MTHFD1L: variants seen among roughly 807,000 people sequenced by gnomAD.
MTHFD1L encodes monofunctional C1-tetrahydrofolate synthase, mitochondrial.
Under a neutral mutation model 119.5 loss-of-function variants are expected in MTHFD1L, and 81 were observed. That is an observed-to-expected ratio of 0.68 (90% CI 0.57 to 0.82). The LOEUF (loss-of-function observed/expected upper bound fraction) is 0.82. Among genes scored for constraint, MTHFD1L ranks in the 40% least tolerant of loss-of-function variants. The pLI is 0.00. For missense variants in MTHFD1L, 1,125 were observed against 1,253.4 expected (o/e 0.90, Z 1.55); for synonymous variants, 430 against 475.2 (o/e 0.90, Z 1.24).
At position 150,926,347 on chromosome 6, in the gene MTHFD1L, C is replaced by G. The variant is rs763862905; in HGVS notation, c.1256+52C>G. ...ATCAAGCAGACATATTTACAAAACT[C>G]TTCCCTATTTATCTCTCTCCTCGTA... is the stretch of plus-strand genomic sequence containing the variant. On this transcript the variant is annotated intron_variant, in intron 11 of 27. Transcript: ENST00000367321. This position sits in a 1 kb window ranked among gnomAD's most constrained non-coding sequence, Gnocchi z 4.3. 3.9e-6 allele frequency: 6 copies of G among 1,519,332 alleles called. No homozygotes were observed. The South Asian group carries it at 7.1e-5, about 18-fold the overall frequency. The allele number at this position is 1,519,332 out of a possible 1,614,324, so 94.1% of individuals were successfully genotyped here. A position where few individuals can be genotyped will look rare whatever the true frequency, so the allele number is the denominator to read the frequency against.
chr6:150,881,545 G>A (rs1781396410), intron 4 of MTHFD1L, among the ~76,000 whole-genome samples: 1 of 152,136 alleles, frequency 6.6e-6, no homozygotes, highest in Non-Finnish European at 1.5e-5. Context: ...GGTACAGGTG[G>A]CAATAGTTTC....
intron 15 of MTHFD1L, 99 bp downstream of exon 15, chr6:150,945,640 T>C: frequency 8.7e-7 from 1 of 1,153,260 alleles, no homozygotes; most frequent in Non-Finnish European, 1.3e-6. Flanking sequence ...TTGATTTTGG[T>C]TTTCAGATAT....
intron 17 of MTHFD1L, chr6:150,959,338 C>G (rs1796100318): frequency 3.1e-6 from 1 of 325,686 alleles, no homozygotes; most frequent in Non-Finnish European, 4.4e-6. Flanking sequence ...TTGTCTGGCT[C>G]ACACTCCCCT....
chr6:150,981,741 A>G (rs1777528398), intron 20 of MTHFD1L, among the ~76,000 whole-genome samples: 1 of 152,108 alleles, frequency 6.6e-6, no homozygotes, highest in Admixed American at 6.5e-5. Context: ...TAACATTTGA[A>G]TTTCATATAA....
At position 150,918,661 on chromosome 6, in the gene MTHFD1L, G is replaced by A. The variant is rs969380460; in HGVS notation, c.977G>A (p.Arg326Gln). The A allele has an allele frequency of 1.2e-6, 2 of 1,613,716 alleles. No individual in the cohort carries two copies. Among genetic ancestry groups the A allele is most frequent in the South Asian group, 1.1e-5 (1 of 91,058 alleles). ...GTGATTCTCCTTGCTGCAGCTCTGC[G>A]AATTCAGGTTTGTTCAACATAGCTG... ...DDVILLAAAL[R>Q]IQNMVSSGRR... Residue 326 changes from arginine (R) to glutamine (Q), a missense_variant, in exon 9 of 28, where the codon CGA becomes CAA. Physicochemically the swap from Arg to Gln is conservative, Grantham distance 43. Coordinates refer to ENST00000367321, the MANE Select transcript of MTHFD1L (RefSeq NM_015440.5).
At chr6:151,093,956 T>A (rs9397033) in intron 27 of MTHFD1L, among the ~76,000 whole-genome samples, 45,343 of 151,936 alleles carry the variant, frequency 0.3, 7,580 homozygotes, top group East Asian at 0.57. Context: ...CTCGGTCTTA[T>A]TCATGTCCAC....
intron 4 of MTHFD1L, 130 bp downstream of exon 4, chr6:150,877,956 T>G (rs1315087649): frequency 3.0e-6 from 3 of 1,003,508 alleles, no homozygotes; most frequent in Non-Finnish European, 4.6e-6. Context: ...GAGGGAAGAC[T>G]TCACTTCTTT....
At chr6:150,912,600 G>T (rs1787107306) in intron 8 of MTHFD1L, 1 of 454,574 alleles carries the variant, frequency 2.2e-6, no homozygotes, top group Admixed American at 2.4e-5. Context: ...GCTCATATTA[G>T]TGAAAGGGTG....
chr6:151,057,093 A>G, intron 26 of MTHFD1L: 2 of 640,602 alleles, frequency 3.1e-6, no homozygotes, highest in Non-Finnish European at 3.9e-6. Flanking sequence ...GTTTGCTCTA[A>G]TTATAACTAA....
chr6:151,000,259 C>T (rs1321434716), intron 20 of MTHFD1L, among the ~76,000 whole-genome samples: 1 of 151,760 alleles, frequency 6.6e-6, no homozygotes, highest in Admixed American at 6.6e-5. Flanking sequence ...ATTGCTTGAA[C>T]CAGGGAGGTG....
rs549382267 is a variant in MTHFD1L, at chr6:151,028,230, A to G, written c.2587-6263A>G. On this transcript the variant is annotated intron_variant, in intron 24 of 27. Transcript: ENST00000367321. ...TAAACCACAACTACTCATCTCACAC[A>G]GTCAGCCCGGCACCTCCTTGGAATT... 2.0e-4 allele frequency among the ~76,000 whole-genome samples: 30 copies of G among 152,296 alleles called. No homozygotes were observed. The East Asian group carries it at 5.8e-3, about 29-fold the overall frequency.
intron 2 of MTHFD1L, 48 bp from the exon 3 acceptor site, chr6:150,877,586 C>G (rs377410939): frequency 4.0e-5 from 64 of 1,591,594 alleles, no homozygotes; most frequent in Admixed American, 5.0e-5. Context: ...ATCTTTTGTG[C>G]CTTTTCAAGC....
chr6:151,012,795 C>T (rs183830742), intron 21 of MTHFD1L, among the ~76,000 whole-genome samples: 10 of 152,262 alleles, frequency 6.6e-5, no homozygotes, highest in Non-Finnish European at 1.3e-4. Flanking sequence ...AAAATCTGCA[C>T]TGTGGGCTGG....
chr6:150,942,230 G>T (rs1583691310), intron 13 of MTHFD1L, among the ~76,000 whole-genome samples: 3 of 152,340 alleles, frequency 2.0e-5, no homozygotes, highest in South Asian at 4.1e-4. Flanking sequence ...CTGCACTCCA[G>T]CCCAGGCAAC....
In MTHFD1L at chr6:150,960,379, T is replaced by C. The variant is rs1796259760; in HGVS notation, c.1908T>C (p.Ser636=). ...KARLGRMVVA[S]DKSGQPVTAD... is the part of the protein sequence containing the mutation. Reference sequence around the variant, plus strand: ...GGCTGGGAAGGATGGTGGTGGCCAGTGACAAAAGCGGGCAGCCTGTGACAG... The same window carrying C: ...GGCTGGGAAGGATGGTGGTGGCCAGCGACAAAAGCGGGCAGCCTGTGACAG... Residue 636 remains serine, a synonymous_variant, in exon 18 of 28, where the codon AGT becomes AGC. Coordinates refer to ENST00000367321, the MANE Select transcript of MTHFD1L (RefSeq NM_015440.5). The C allele has an allele frequency of 6.2e-7, 1 of 1,613,394 alleles. No individual in the cohort carries two copies. The highest frequency in any genetic ancestry group is 1.3e-5 in the African/African-American group (1 of 75,012).
intron 6 of MTHFD1L, among the ~76,000 whole-genome samples, chr6:150,886,560 ATTG>A (rs1782340874): frequency 6.7e-6 from 1 of 150,172 alleles, no homozygotes; most frequent in Non-Finnish European, 1.5e-5. Flanking sequence ...CTTAATTTCC[ATTG>A]TTGTCCCCTT....
intron 26 of MTHFD1L, among the ~76,000 whole-genome samples, chr6:151,060,187 C>T (rs1790455879): frequency 6.6e-6 from 1 of 152,190 alleles, no homozygotes; most frequent in East Asian, 1.9e-4. Flanking sequence ...TTTTATTGTT[C>T]TTACCAGGAG....
At chr6:151,018,174 G>A (rs1022032026) in intron 24 of MTHFD1L, among the ~76,000 whole-genome samples, 4 of 152,106 alleles carry the variant, frequency 2.6e-5, no homozygotes, top group African/African-American at 9.7e-5. Flanking sequence ...GAGTGCCCAG[G>A]CTTCAAGCTG....
chr6:150,967,632 C>A (rs1314580689), intron 19 of MTHFD1L, among the ~76,000 whole-genome samples: 1 of 152,188 alleles, frequency 6.6e-6, no homozygotes, highest in Non-Finnish European at 1.5e-5. Context: ...AAGGCAGAAA[C>A]CCGAGGATGA....
Sources: allele counts gnomAD v4.1 joint callset (sites outside exome capture counted in the v4.1 genomes callset), GRCh38; gene constraint gnomAD v4.1.1; non-coding constraint Gnocchi (gnomAD v3.1); transcripts MANE v1.5; gene names NCBI Gene and HGNC (gene_info 2026-07-23, HGNC 2026-07-21).